The following LRRC66 variants were observed in gnomAD, a reference collection of about 807,000 sequenced individuals.
LRRC66 encodes the protein leucine rich repeat containing 66.
LRRC66 carries 29 observed loss-of-function variants against 24.6 expected under a neutral mutation model. The ratio of observed to expected loss-of-function variants is 1.18; its 90% CI spans 0.88 to 1.61. The LOEUF (loss-of-function observed/expected upper bound fraction) is 1.61. Among genes scored for constraint, LRRC66 ranks in the 40% most tolerant of loss-of-function variants. LRRC66 has a pLI of 0.00. For synonymous variants in LRRC66, 411 were observed against 397.6 expected, an observed-to-expected ratio of 1.03 and a Z score of -0.40; for missense variants, 1,124 against 1,058.0, an observed-to-expected ratio of 1.06 and a Z score of -0.87.
intron 1 of LRRC66, chr4:52,018,680 G>A (rs1051687544): frequency 1.2e-6 from 1 of 840,470 alleles, no homozygotes; most frequent in East Asian, 1.2e-4. Flanking sequence ...ATCCTCAAAG[G>A]GCTCCTTATT....
At chr4:52,002,684 G>A (rs1487818618) in intron 3 of LRRC66, among the ~76,000 whole-genome samples, 1 of 152,246 alleles carries the variant, frequency 6.6e-6, no homozygotes, top group African/African-American at 2.4e-5. Flanking sequence ...TGGCACACAT[G>A]CTATACAAGT....
Position 52,019,566 on chromosome 4 carries a change from A to G in LRRC66, c.-6+738T>C, listed in dbSNP as rs993833808. Among the ~76,000 whole-genome samples the G allele has an allele frequency of 2.0e-5, 3 of 152,234 alleles. No individual in the cohort carries two copies. In the South Asian group the frequency reaches 6.2e-4, roughly 31 times the overall value. On this transcript the variant is annotated intron_variant, in intron 1 of 4. Transcript: ENST00000682860. ...CAAGGGCATTTAAATTCAGGTACAC[A>G]TGGCCATGAACAGCAAAGGTAGCCT...
In LRRC66 at chr4:52,017,042, C is replaced by G. The variant is rs1371494954; in HGVS notation, c.496+76G>C. On this transcript the variant is annotated intron_variant, in intron 2 of 4. Transcript: ENST00000682860. ...TTCAGCTGTCCCTTGAACCTGAAAA[C>G]AAATGTGGAATTCTTATGAACATGA... is the stretch of plus-strand genomic sequence containing the variant. The G allele has an allele frequency of 4.1e-6, 6 of 1,479,008 alleles. No homozygotes were observed. In the Admixed American group the frequency reaches 9.0e-5, roughly 22 times the overall value. 91.6% of individuals were successfully genotyped at this position (1,479,008 alleles called of 1,614,324 possible).
At chr4:52,010,772 T>C (rs1660104928) in intron 2 of LRRC66, among the ~76,000 whole-genome samples, 1 of 152,138 alleles carries the variant, frequency 6.6e-6, no homozygotes. Flanking sequence ...AACATATGAG[T>C]GCATGTGTCT....
chr4:52,005,700 A>T (rs1736566241), intron 2 of LRRC66, among the ~76,000 whole-genome samples: 1 of 151,970 alleles, frequency 6.6e-6, no homozygotes, highest in Non-Finnish European at 1.5e-5. Context: ...TATTCTGGTA[A>T]AAAATATTTC....
chr4:51,994,480 T>C lies in LRRC66; in HGVS notation c.2542A>G (p.Asn848Asp), dbSNP rs1736241295. The change falls in exon 5 of 5, where the codon AAT (asparagine) becomes GAT (aspartate). Residue 848 changes from asparagine (N) to aspartate (D), a missense_variant. Asn to Asp is a conservative substitution (Grantham distance 23). Coordinates refer to ENST00000682860, the MANE Select transcript of LRRC66 (RefSeq NM_001024611.3). ...GGTGTTTGCTGTAAAACGTCCACAT[T>C]TGAAAATTCTAAGTCTCTAAGTGAG... ...HCSLRDLEFS[N>D]VDVLQQTPPC... 1.2e-6 allele frequency: 2 copies of C among 1,614,220 alleles called. No homozygotes were observed. The highest frequency in any genetic ancestry group is 1.7e-6 in the Non-Finnish European group (2 of 1,180,038).
chr4:52,017,856 G>C (rs1324997811), intron 1 of LRRC66: 1 of 985,176 alleles, frequency 1.0e-6, no homozygotes, highest in African/African-American at 1.7e-5. Context: ...TGATTTTTCA[G>C]AAAATACATA....
intron 2 of LRRC66, among the ~76,000 whole-genome samples, chr4:52,016,781 TATTGCTC>T (rs1736821412): frequency 1.3e-5 from 2 of 152,188 alleles, no homozygotes; most frequent in Admixed American, 6.5e-5. Context: ...TTGAACTAGT[TATTGCTC>T]AGTGCTTTTC....
Position 52,017,134 on chromosome 4 carries a change from G to A in LRRC66, c.480C>T (p.Leu160=). 6.2e-7 allele frequency: 1 copy of A among 1,613,392 alleles called. No individual in the cohort carries two copies. The highest frequency in any genetic ancestry group is 1.7e-4 in the Middle Eastern group (1 of 6,060). The change falls in exon 2 of 5, where the codon CTC becomes CTT. Residue 160 remains leucine, a synonymous_variant. Coordinates refer to ENST00000682860, the MANE Select transcript of LRRC66 (RefSeq NM_001024611.3). ...LKVLILQRNK[L]SDTPKGLWKL... is the part of the protein sequence containing the mutation. The stretch of plus-strand genomic sequence containing the variant: ...TGTACTCACCCTTGGGAGTGTCACT[G>A]AGTTTATTTCTTTGAAGAATGAGCA...
At chr4:52,010,485 C>T (rs1025288506) in intron 2 of LRRC66, among the ~76,000 whole-genome samples, 3 of 152,156 alleles carry the variant, frequency 2.0e-5, no homozygotes, top group African/African-American at 7.2e-5. Flanking sequence ...TCCCACACTC[C>T]TCCTCCTTCT....
intron 3 of LRRC66, among the ~76,000 whole-genome samples, chr4:52,000,800 A>ACT (rs921320286): frequency 6.6e-6 from 1 of 152,002 alleles, no homozygotes. Context: ...TTTATGTTAG[A>ACT]CTCCAGCCTT....
chr4:52,001,836 G>A (rs892810663), intron 3 of LRRC66, among the ~76,000 whole-genome samples: 2 of 152,206 alleles, frequency 1.3e-5, no homozygotes, highest in African/African-American at 2.4e-5. Flanking sequence ...AGCTATGCCT[G>A]AATAGCACTT....
At position 51,998,202 on chromosome 4, in the gene LRRC66, A is replaced by G. The variant is rs541031534; in HGVS notation, c.667-265T>C. 3.9e-5 allele frequency among the ~76,000 whole-genome samples: 6 copies of G among 152,298 alleles called. No individual in the cohort carries two copies. In the East Asian group the frequency reaches 1.2e-3, roughly 29 times the overall value. Reference sequence around the variant, plus strand: ...ACTGTATGTGAAAGCTTTCAGTATCATGCCTATATTTGATGCCTAATCATT... The same window carrying G: ...ACTGTATGTGAAAGCTTTCAGTATCGTGCCTATATTTGATGCCTAATCATT... On this transcript the variant is annotated intron_variant, in intron 3 of 4. Coordinates refer to ENST00000682860, the MANE Select transcript of LRRC66 (RefSeq NM_001024611.3).
intron 2 of LRRC66, among the ~76,000 whole-genome samples, chr4:52,013,790 T>A (rs957907743): frequency 3.3e-5 from 5 of 152,232 alleles, no homozygotes; most frequent in African/African-American, 1.2e-4. Flanking sequence ...AGTCCCCATT[T>A]TAAAATATGT....
intron 2 of LRRC66, among the ~76,000 whole-genome samples, chr4:52,008,149 G>A (rs1452401898): frequency 2.6e-5 from 4 of 152,146 alleles, no homozygotes; most frequent in African/African-American, 9.7e-5. Context: ...CTGTTTGATA[G>A]GCTAGATGGC....
Position 52,017,355 on chromosome 4 carries a change from T to G in LRRC66, c.259A>C (p.Ile87Leu). The change falls in exon 2 of 5, where the codon ATA becomes CTA. Residue 87 changes from isoleucine to leucine, a missense_variant. By Grantham distance (5) the Ile-to-Leu change is conservative. Transcript: ENST00000682860. ...TTGTTACTGAGGTCCAGATGTTTTATTTTCCACTCTTCTTTTTTCGTGTGA... is the reference window on the plus strand; with the variant it reads ...TTGTTACTGAGGTCCAGATGTTTTAGTTTCCACTCTTCTTTTTTCGTGTGA... The part of the protein sequence containing the change: ...QSHTKKEEWK[I>L]KHLDLSNNLI... 1 of 1,614,170 alleles carries G rather than the reference T, an allele frequency of 6.2e-7. No homozygotes were observed. The highest frequency in any genetic ancestry group is 8.5e-7 in the Non-Finnish European group (1 of 1,180,022).
At chr4:52,003,459 G>A in intron 2 of LRRC66, 67 bp from the exon 3 acceptor site, 1 of 1,388,986 alleles carries the variant, frequency 7.2e-7, no homozygotes, top group Non-Finnish European at 1.0e-6. Flanking sequence ...GTTTGTAATG[G>A]TGAAAAATTG....
chr4:52,006,408 G>A (rs954347401), intron 2 of LRRC66, among the ~76,000 whole-genome samples: 2 of 152,012 alleles, frequency 1.3e-5, no homozygotes, highest in Admixed American at 1.3e-4. Flanking sequence ...GCAGGGACAT[G>A]GATGAAATTG....
At chr4:52,019,268 C>A (rs978754767) in intron 1 of LRRC66, among the ~76,000 whole-genome samples, 1 of 152,052 alleles carries the variant, frequency 6.6e-6, no homozygotes, top group African/African-American at 2.4e-5. Flanking sequence ...TTTATTCTTA[C>A]AGAAATCTTT....
Sources: gnomAD v4.1 joint callset for allele counts (sites outside exome capture counted in the v4.1 genomes callset) on GRCh38, gnomAD v4.1.1 for gene constraint, MANE v1.5 for transcripts, NCBI Gene and HGNC (gene_info 2026-07-23, HGNC 2026-07-21) for gene names.